GPHN: variants seen among roughly 807,000 people sequenced by gnomAD.
GPHN encodes gephyrin.
GPHN carries 17 observed loss-of-function variants against 95.5 expected under a neutral mutation model. The ratio of observed to expected loss-of-function variants is 0.18; its 90% CI spans 0.12 to 0.27. The LOEUF (loss-of-function observed/expected upper bound fraction) is 0.27, where lower values mean the gene tolerates loss of function less well. Among genes scored for constraint, GPHN ranks in the 10% least tolerant of loss-of-function variants. The probability of loss-of-function intolerance (pLI) is 1.00; values close to 1 mark genes in which losing one functional copy is unlikely to be tolerated. For synonymous variants in GPHN, 320 were observed against 322.5 expected (o/e 0.99, Z 0.08); for missense variants, 660 against 978.1 (o/e 0.67, Z 4.34).
intron 1 of GPHN, among the ~76,000 whole-genome samples, chr14:66,561,671 T>C (rs1271535350): frequency 2.0e-5 from 3 of 152,178 alleles, no homozygotes; most frequent in Non-Finnish European, 4.4e-5. Context: ...ATTTCTAGAA[T>C]TAGGCTGAGT....
chr14:66,920,960 CAT>C (rs1215490838), intron 6 of GPHN, among the ~76,000 whole-genome samples: 1 of 152,044 alleles, frequency 6.6e-6, no homozygotes, highest in African/African-American at 2.4e-5. Context: ...AATATACCAT[CAT>C]ATATATATAA....
intron 5 of GPHN, among the ~76,000 whole-genome samples, chr14:66,898,356 A>G (rs1210223129): frequency 2.1e-5 from 3 of 145,780 alleles, no homozygotes; most frequent in Non-Finnish European, 3.0e-5. Context: ...CTTTAAATCC[A>G]TTTGAGTTGA....
rs1479500240 is a variant in GPHN, at chr14:67,181,458, C to T, written c.*521C>T. On this transcript the variant is annotated 3_prime_UTR_variant, in exon 23 of 23. Transcript: ENST00000478722. Reference sequence around the variant, plus strand: ...CTGACTGGGTGGAGGCTCTGCCTTGCCTCAAGAACCATCCCCTGCAGAGCA... The same window carrying T: ...CTGACTGGGTGGAGGCTCTGCCTTGTCTCAAGAACCATCCCCTGCAGAGCA... The T allele has an allele frequency of 1.9e-6, 1 of 519,158 alleles. No homozygotes were observed. Among genetic ancestry groups the T allele is most frequent in the South Asian group, 1.5e-5 (1 of 64,802 alleles). 32.2% of individuals were successfully genotyped at this position (519,158 alleles called of 1,614,324 possible). A position where few individuals can be genotyped will look rare whatever the true frequency, so the allele number is the denominator to read the frequency against.
At chr14:67,068,353 CA>C (rs1375194413) in intron 11 of GPHN, among the ~76,000 whole-genome samples, 1 of 152,202 alleles carries the variant, frequency 6.6e-6, no homozygotes, top group Non-Finnish European at 1.5e-5. Flanking sequence ...CTCCTATCTG[CA>C]AGTGAGGATT....
chr14:67,123,649 C>T (rs374842219), intron 17 of GPHN, among the ~76,000 whole-genome samples: 1 of 152,278 alleles, frequency 6.6e-6, no homozygotes, highest in South Asian at 2.1e-4. Flanking sequence ...GCACCCCAGC[C>T]TGGGAAACAG....
chr14:67,113,394 C>T (rs543903355), intron 16 of GPHN, among the ~76,000 whole-genome samples: 2 of 152,292 alleles, frequency 1.3e-5, no homozygotes, highest in South Asian at 4.1e-4. Context: ...GAAATGTTCT[C>T]TTCTATTAGA....
At chr14:67,562,507 G>A in the GPHN span, 1 of 1,612,108 alleles carries the variant, frequency 6.2e-7, no homozygotes, top group Admixed American at 1.7e-5. Context: ...CTCAGAGAGG[G>A]ATGCTCCCTG....
At chr14:67,662,206 G>A in the GPHN span, among the ~76,000 whole-genome samples, 3 of 150,552 alleles carry the variant, frequency 2.0e-5, no homozygotes, top group Non-Finnish European at 4.4e-5. Flanking sequence ...GATTTTAAAA[G>A]ACTGCTTGGG....
At chr14:66,933,157 A>C (rs1487631994) in intron 8 of GPHN, among the ~76,000 whole-genome samples, 2 of 152,244 alleles carry the variant, frequency 1.3e-5, no homozygotes, top group Non-Finnish European at 2.9e-5. Context: ...AGTTAACAAC[A>C]TATCAAAGAG....
intron 10 of GPHN, among the ~76,000 whole-genome samples, chr14:67,031,824 T>C (rs1274368870): frequency 3.9e-5 from 6 of 152,216 alleles, no homozygotes; most frequent in African/African-American, 9.7e-5. Flanking sequence ...TTCTCGGTTA[T>C]CACCTTTTTA....
chr14:66,718,960 C>T (rs774624099), intron 2 of GPHN, among the ~76,000 whole-genome samples: 12 of 152,234 alleles, frequency 7.9e-5, no homozygotes, highest in Non-Finnish European at 1.6e-4. Flanking sequence ...GCCTCTCACA[C>T]GTCCTTCAGG....
chr14:67,060,411 G>T (rs866691437), intron 11 of GPHN, among the ~76,000 whole-genome samples: 4 of 152,060 alleles, frequency 2.6e-5, no homozygotes, highest in Non-Finnish European at 5.9e-5. Context: ...ATAATAATGA[G>T]GTTCACATTA....
At chr14:66,870,754 A>G (rs2063401488) in intron 4 of GPHN, among the ~76,000 whole-genome samples, 1 of 152,188 alleles carries the variant, frequency 6.6e-6, no homozygotes, top group Non-Finnish European at 1.5e-5. Context: ...CAAGCATTGT[A>G]ATTTAAAAAC....
chr14:67,581,973 T>C, the GPHN span: 7 of 1,253,300 alleles, frequency 5.6e-6, no homozygotes, highest in Middle Eastern at 2.7e-4. Flanking sequence ...AAAGAGTACT[T>C]TATCTTTTTG....
the GPHN span, among the ~76,000 whole-genome samples, chr14:67,237,831 C>T: frequency 6.6e-6 from 1 of 152,154 alleles, no homozygotes; most frequent in Non-Finnish European, 1.5e-5. Context: ...AGTGACTCAG[C>T]AGGTGAACTG....
chr14:66,835,884 A>G (rs2153503549), intron 4 of GPHN, among the ~76,000 whole-genome samples: 1 of 151,256 alleles, frequency 6.6e-6, no homozygotes, highest in Non-Finnish European at 1.5e-5. Flanking sequence ...CCAACTTACA[A>G]GGGATGTGAA....
At chr14:67,730,443 T>C in the GPHN span, among the ~76,000 whole-genome samples, 1 of 152,230 alleles carries the variant, frequency 6.6e-6, no homozygotes, top group South Asian at 2.1e-4. Context: ...TCCGGAATAT[T>C]TCAGTAAGCA....
intron 12 of GPHN, among the ~76,000 whole-genome samples, chr14:67,094,987 C>T (rs2077294042): frequency 6.6e-6 from 1 of 152,154 alleles, no homozygotes; most frequent in Non-Finnish European, 1.5e-5. Flanking sequence ...ATAGGCTATA[C>T]CATCTAGGTT....
At chr14:66,519,116 T>C (rs2058372408) in intron 1 of GPHN, among the ~76,000 whole-genome samples, 1 of 152,016 alleles carries the variant, frequency 6.6e-6, no homozygotes, top group Non-Finnish European at 1.5e-5. Context: ...TGTATGTCAA[T>C]GTAAAATATA....
Sources: allele counts gnomAD v4.1 joint callset (sites outside exome capture counted in the v4.1 genomes callset), GRCh38; gene constraint gnomAD v4.1.1; transcripts MANE v1.5; gene names NCBI Gene and HGNC (gene_info 2026-07-23, HGNC 2026-07-21).